MANBA: variants seen among roughly 807,000 people sequenced by gnomAD.
MANBA encodes the protein mannosidase beta.
Under a neutral mutation model 111.1 loss-of-function variants are expected in MANBA, and 83 were observed. The observed-to-expected ratio is 0.75, with a 90% confidence interval of 0.63 to 0.90. MANBA has a LOEUF of 0.90. Among genes scored for constraint, MANBA ranks in the 40% least tolerant of loss-of-function variants. The pLI, the probability that MANBA is intolerant of heterozygous loss-of-function variation, is 0.00. For missense variants in MANBA, 1,036 were observed against 1,069.0 expected (o/e 0.97, Z 0.43); for synonymous variants, 370 against 378.7 (o/e 0.98, Z 0.27).
intron 1 of MANBA, chr4:102,729,203 G>A: frequency 5.5e-6 from 4 of 728,300 alleles, no homozygotes; most frequent in Admixed American, 1.8e-5. Context: ...TGGCCTTTGA[G>A]GCCCTCAGTC....
At chr4:102,700,552 T>C (rs1285419236) in intron 5 of MANBA, among the ~76,000 whole-genome samples, 1 of 152,178 alleles carries the variant, frequency 6.6e-6, no homozygotes, top group Non-Finnish European at 1.5e-5. Context: ...GATTCTGGTA[T>C]GTTGTGTCTT....
At chr4:102,701,207 G>T (rs1251320198) in intron 5 of MANBA, among the ~76,000 whole-genome samples, 2 of 151,350 alleles carry the variant, frequency 1.3e-5, no homozygotes, top group Non-Finnish European at 3.0e-5. Context: ...TTTTCCATTT[G>T]CTTGGTAGAT....
At chr4:102,637,505 T>C (rs889414481) in intron 14 of MANBA, among the ~76,000 whole-genome samples, 9 of 152,218 alleles carry the variant, frequency 5.9e-5, no homozygotes, top group African/African-American at 1.2e-4. Flanking sequence ...TATTAGATCA[T>C]ACCCGCTTTG....
Position 102,664,434 on chromosome 4 carries a change from T to C in MANBA, c.1485+251A>G, listed in dbSNP as rs528631493. 2.0e-5 allele frequency among the ~76,000 whole-genome samples: 3 copies of C among 152,040 alleles called. No homozygotes were observed. In the East Asian group the frequency reaches 5.8e-4, roughly 29 times the overall value. The stretch of plus-strand genomic sequence containing the variant: ...CGCGATCTCGGCTCACTGCAAGCTC[T>C]ACCTTCCGGGTTCACGCCATGCTCC... On this transcript the variant is annotated intron_variant, in intron 11 of 16. Coordinates refer to ENST00000647097, the MANE Select transcript of MANBA (RefSeq NM_005908.4).
intron 5 of MANBA, among the ~76,000 whole-genome samples, chr4:102,692,918 C>G (rs142976981): frequency 6.6e-6 from 1 of 151,972 alleles, no homozygotes; most frequent in Non-Finnish European, 1.5e-5. Flanking sequence ...ACGTTATAAC[C>G]GGCACTGTTT....
chr4:102,645,592 C>A (rs912447348), intron 13 of MANBA, among the ~76,000 whole-genome samples: 1 of 151,970 alleles, frequency 6.6e-6, no homozygotes, highest in African/African-American at 2.4e-5. Context: ...TCTATTTCTT[C>A]TTAATTCAGT....
At chr4:102,726,346 C>A (rs966484640) in intron 2 of MANBA, among the ~76,000 whole-genome samples, 3 of 152,104 alleles carry the variant, frequency 2.0e-5, no homozygotes, top group Non-Finnish European at 4.4e-5. Flanking sequence ...CCATAAGACA[C>A]AATTTGGTGA....
At chr4:102,671,259 T>C in intron 9 of MANBA, 22 bp downstream of exon 9, 1 of 1,391,622 alleles carries the variant, frequency 7.2e-7, no homozygotes, top group East Asian at 2.3e-5. Context: ...TATCAATATA[T>C]AAAATGCTAT....
intron 1 of MANBA, chr4:102,728,673 C>T (rs1247286353): frequency 3.5e-6 from 2 of 574,454 alleles, no homozygotes; most frequent in Admixed American, 2.6e-5. Context: ...GTGGGTCTCA[C>T]GTTCCCTGTG....
Position 102,653,200 on chromosome 4 carries a change from G to A in MANBA, c.1705-2499C>T, listed in dbSNP as rs547040346. On this transcript the variant is annotated intron_variant, in intron 12 of 16. Coordinates refer to ENST00000647097, the MANE Select transcript of MANBA (RefSeq NM_005908.4). ...ACTTAATCTTTACTCATAAACACAC[G>A]CGCATATGCAGATCTACATGCACAC... is the stretch of plus-strand genomic sequence containing the variant. Among the ~76,000 whole-genome samples, 26 of 140,154 alleles carry A rather than the reference G, an allele frequency of 1.9e-4. No homozygotes were observed. The East Asian group carries it at 2.8e-3, about 15-fold the overall frequency. The allele number at this position is 140,154 out of a possible 152,430, so 91.9% of individuals were successfully genotyped here. A position where few individuals can be genotyped will look rare whatever the true frequency, so the allele number is the denominator to read the frequency against.
At chr4:102,657,238 G>A (rs1735667) in intron 12 of MANBA, among the ~76,000 whole-genome samples, 42,752 of 104,418 alleles carry the variant, frequency 0.41, 10,064 homozygotes, top group East Asian at 0.47. Flanking sequence ...GGGGGTGGGC[G>A]GTGGTAATGG....
chr4:102,697,611 G>A (rs1732786859), intron 5 of MANBA, among the ~76,000 whole-genome samples: 2 of 146,540 alleles, frequency 1.4e-5, no homozygotes, highest in South Asian at 4.4e-4. Context: ...TGCGGTGTTT[G>A]GTTTTTTGTT....
chr4:102,653,812 T>A (rs1033942816), intron 12 of MANBA, among the ~76,000 whole-genome samples: 2 of 152,300 alleles, frequency 1.3e-5, no homozygotes, highest in South Asian at 2.1e-4. Context: ...AAGGAAAAGG[T>A]TTAGCAATTT....
chr4:102,677,344 A>T (rs1350383531), intron 7 of MANBA, among the ~76,000 whole-genome samples: 1 of 152,246 alleles, frequency 6.6e-6, no homozygotes, highest in East Asian at 1.9e-4. Context: ...TCACGGTAGT[A>T]GATACTACTT....
chr4:102,725,891 A>C (rs1238822172), intron 2 of MANBA, among the ~76,000 whole-genome samples: 1 of 152,228 alleles, frequency 6.6e-6, no homozygotes. Flanking sequence ...GTGTTACATC[A>C]AGAAAAACAA....
rs1035585468 is a variant in MANBA, at chr4:102,710,120, T to TC, written c.673+4317dup. Among the ~76,000 whole-genome samples, 39 of 152,220 alleles carry TC rather than the reference T, an allele frequency of 2.6e-4. 2 individuals are homozygous for TC. Among genetic ancestry groups the TC allele is most frequent in the Middle Eastern group, 3.4e-3 (1 of 294 alleles). ...TAGAATGGGAAAAAGATGCCCACGTTCACCACTCCTATCCAATAAAATGCT... is the reference window on the plus strand; with the variant it reads ...TAGAATGGGAAAAAGATGCCCACGTTCCACCACTCCTATCCAATAAAATGCT... On this transcript the variant is annotated intron_variant, in intron 5 of 16. Transcript: ENST00000647097.
chr4:102,747,732 C>G (rs916030695), intron 1 of MANBA, among the ~76,000 whole-genome samples: 2 of 152,190 alleles, frequency 1.3e-5, no homozygotes, highest in Admixed American at 6.5e-5. Context: ...TTTCTAAAAT[C>G]CTTAAATTAG....
At chr4:102,698,573 A>G (rs1386435302) in intron 5 of MANBA, among the ~76,000 whole-genome samples, 13 of 148,944 alleles carry the variant, frequency 8.7e-5, no homozygotes, top group African/African-American at 3.3e-4. Flanking sequence ...CTTTCTACAT[A>G]TGGCTAGCCA....
chr4:102,740,137 A>AT (rs1236518066), intron 1 of MANBA, among the ~76,000 whole-genome samples: 4 of 152,352 alleles, frequency 2.6e-5, no homozygotes, highest in Non-Finnish European at 5.9e-5. Context: ...TAGCACTCCT[A>AT]TACACCAACA....
Sources: gnomAD v4.1 joint callset for allele counts (sites outside exome capture counted in the v4.1 genomes callset) on GRCh38, gnomAD v4.1.1 for gene constraint, MANE v1.5 for transcripts, NCBI Gene and HGNC (gene_info 2026-07-23, HGNC 2026-07-21) for gene names.